The following SEMA6D variants were observed in gnomAD, a reference collection of about 807,000 sequenced individuals.
SEMA6D encodes the protein semaphorin-6D.
SEMA6D carries 35 observed loss-of-function variants against 106.6 expected under a neutral mutation model. The ratio of observed to expected loss-of-function variants is 0.33; its 90% CI spans 0.25 to 0.44. The LOEUF (loss-of-function observed/expected upper bound fraction) is 0.44, where lower values mean the gene tolerates loss of function less well. Ranked by LOEUF, SEMA6D falls within the 20% of genes least tolerant of loss-of-function variation. The pLI, the probability that SEMA6D is intolerant of heterozygous loss-of-function variation, is 1.00. For synonymous variants in SEMA6D, 499 were observed against 487.7 expected, an observed-to-expected ratio of 1.02 and a Z score of -0.31; for missense variants, 1,185 against 1,345.9, an observed-to-expected ratio of 0.88 and a Z score of 1.87.
chr15:47,532,726 T>C (rs2045014211), intron 3 of SEMA6D, among the ~76,000 whole-genome samples: 1 of 152,200 alleles, frequency 6.6e-6, no homozygotes, highest in Admixed American at 6.5e-5. Context: ...AGATACATCC[T>C]TCAAGGCTGC....
At chr15:47,435,341 A>T (rs1481409765) in intron 2 of SEMA6D, among the ~76,000 whole-genome samples, 1 of 152,114 alleles carries the variant, frequency 6.6e-6, no homozygotes, top group African/African-American at 2.4e-5. Context: ...TTAGTAAAAT[A>T]GAGTAGGTTC....
intron 3 of SEMA6D, among the ~76,000 whole-genome samples, chr15:47,506,353 C>T (rs886253524): frequency 2.0e-5 from 3 of 151,984 alleles, no homozygotes; most frequent in Non-Finnish European, 4.4e-5. Flanking sequence ...ACTTTAGTAT[C>T]GTTTTGTGTC....
At chr15:47,198,291 A>T (rs1595728278) in intron 1 of SEMA6D, among the ~76,000 whole-genome samples, 1 of 152,276 alleles carries the variant, frequency 6.6e-6, no homozygotes, top group East Asian at 1.9e-4. Flanking sequence ...TAATATACTG[A>T]ATTCTTGAAA....
chr15:47,517,015 A>G lies in SEMA6D; in HGVS notation c.-87+46470A>G, dbSNP rs965665999. Among the ~76,000 whole-genome samples, 4 of 152,212 alleles carry G rather than the reference A, an allele frequency of 2.6e-5. No homozygotes were observed. The South Asian group carries it at 8.3e-4, about 31-fold the overall frequency. On this transcript the variant is annotated intron_variant, in intron 3 of 19. Coordinates refer to the SEMA6D transcript ENST00000558014. ...GCAGAGAGCTGCTTTCTAGAGAAAC[A>G]TGATTTTCAGGAGTCAGTGCTACTC...
intron 1 of SEMA6D, among the ~76,000 whole-genome samples, chr15:47,220,893 T>C (rs920303514): frequency 7.9e-5 from 12 of 152,322 alleles, no homozygotes; most frequent in Admixed American, 7.2e-4. Flanking sequence ...TTTGAGATGA[T>C]AGATTTGATA....
At chr15:47,297,955 T>C (rs2035869676) in intron 1 of SEMA6D, among the ~76,000 whole-genome samples, 2 of 151,328 alleles carry the variant, frequency 1.3e-5, no homozygotes, top group African/African-American at 4.9e-5. Flanking sequence ...GATAGAGGAG[T>C]TGTGGATGAG....
chr15:47,538,344 A>G (rs996701653), intron 3 of SEMA6D, among the ~76,000 whole-genome samples: 4 of 152,186 alleles, frequency 2.6e-5, no homozygotes, highest in African/African-American at 9.7e-5. Flanking sequence ...GGGTGTTGAT[A>G]CAATGGGGTT....
rs758814807 is a variant in SEMA6D, at chr15:47,764,646, G to A, written c.1106G>A (p.Cys369Tyr). The A allele has an allele frequency of 6.2e-7, 1 of 1,613,982 alleles. No individual in the cohort carries two copies. Among genetic ancestry groups the A allele is most frequent in the Non-Finnish European group, 8.5e-7 (1 of 1,179,856 alleles). The change falls in exon 12 of 19, where the codon TGT becomes TAT. Residue 369 changes from cysteine (C) to tyrosine (Y), a missense_variant. Around this residue, in one of 3 missense-constraint regions of SEMA6D, gnomAD observed 291 missense variants for 423.8 expected, o/e 0.69. Transcript: ENST00000536845. ...EDKVPKPRPG[C>Y]CAKHGLAEAY... The stretch of plus-strand genomic sequence containing the variant: ...CGCTGTTTTCCTTTCAGGCCTGGCT[G>A]TTGTGCAAAACACGGCCTTGCCGAA...
intron 1 of SEMA6D, among the ~76,000 whole-genome samples, chr15:47,291,765 T>G (rs1481060848): frequency 6.6e-6 from 1 of 152,228 alleles, no homozygotes; most frequent in Non-Finnish European, 1.5e-5. Flanking sequence ...TTTATCATCA[T>G]AATGTTTTGA....
chr15:47,624,358 A>G lies in SEMA6D; in HGVS notation c.-55+23462A>G, dbSNP rs150940840. On this transcript the variant is annotated intron_variant, in intron 4 of 19. Coordinates refer to the SEMA6D transcript ENST00000558014. ...TCTATTAGCCTAGGGGAATAAGATA[A>G]AAAGAGTTATTAATGGTGTTGACCT... 4.1e-3 allele frequency among the ~76,000 whole-genome samples: 624 copies of G among 152,306 alleles called. 4 individuals are homozygous for G. Among genetic ancestry groups the G allele is most frequent in the African/African-American group, 0.014 (600 of 41,548 alleles).
chr15:47,499,827 G>T (rs2141583299), intron 3 of SEMA6D, among the ~76,000 whole-genome samples: 1 of 152,078 alleles, frequency 6.6e-6, no homozygotes, highest in Non-Finnish European at 1.5e-5. Flanking sequence ...AGAACACCAG[G>T]CTCACAGATG....
At chr15:47,628,485 T>C (rs2077240398) in intron 4 of SEMA6D, among the ~76,000 whole-genome samples, 1 of 152,210 alleles carries the variant, frequency 6.6e-6, no homozygotes, top group East Asian at 1.9e-4. Context: ...CTCAGCGTAA[T>C]TTTTATTTGT....
At chr15:47,187,014 T>C (rs903916755) in intron 1 of SEMA6D, among the ~76,000 whole-genome samples, 1 of 152,012 alleles carries the variant, frequency 6.6e-6, no homozygotes, top group African/African-American at 2.4e-5. Flanking sequence ...AAAAAAAAAG[T>C]CCTTGTGAAG....
chr15:47,393,042 G>A (rs916837096), intron 1 of SEMA6D, among the ~76,000 whole-genome samples: 5 of 152,168 alleles, frequency 3.3e-5, no homozygotes, highest in Admixed American at 1.3e-4. Context: ...AAATGGCTTC[G>A]CCAGTCCCAA....
intron 3 of SEMA6D, among the ~76,000 whole-genome samples, chr15:47,494,650 A>G (rs1177566752): frequency 6.7e-6 from 1 of 148,526 alleles, no homozygotes; most frequent in African/African-American, 2.5e-5. Flanking sequence ...TTGGCAGCAT[A>G]TTTTATTATA....
At chr15:47,517,755 G>C (rs1471789655) in intron 3 of SEMA6D, among the ~76,000 whole-genome samples, 1 of 151,978 alleles carries the variant, frequency 6.6e-6, no homozygotes, top group Non-Finnish European at 1.5e-5. Context: ...AATGTTTCTG[G>C]GTCCTCACTC....
At chr15:47,360,646 G>A (rs749136754) in intron 1 of SEMA6D, among the ~76,000 whole-genome samples, 6 of 152,210 alleles carry the variant, frequency 3.9e-5, no homozygotes, top group Admixed American at 3.9e-4. Flanking sequence ...AACTCAACCT[G>A]TGAACATGCA....
chr15:47,740,222 TAGAA>T (rs2080721158), intron 1 of SEMA6D, among the ~76,000 whole-genome samples: 1 of 151,968 alleles, frequency 6.6e-6, no homozygotes, highest in South Asian at 2.1e-4. Flanking sequence ...TAGTTGAAAA[TAGAA>T]AGTAAAAAAC....
chr15:47,561,597 G>A (rs923389811), intron 3 of SEMA6D, among the ~76,000 whole-genome samples: 2 of 151,074 alleles, frequency 1.3e-5, no homozygotes, highest in African/African-American at 4.9e-5. Flanking sequence ...AAAATATATA[G>A]GATATTTTAA....
Sources: allele counts gnomAD v4.1 joint callset (sites outside exome capture counted in the v4.1 genomes callset), GRCh38; gene constraint gnomAD v4.1.1; regional missense constraint gnomAD v4.1.1; transcripts MANE v1.5; gene names NCBI Gene and HGNC (gene_info 2026-07-23, HGNC 2026-07-21).